NLGN1: variants seen among roughly 807,000 people sequenced by gnomAD.
The protein encoded by NLGN1 is neuroligin-1.
In NLGN1, 12 loss-of-function variants were observed where a neutral mutation model predicts 65.5. The ratio of observed to expected loss-of-function variants is 0.18; its 90% CI spans 0.12 to 0.30. The LOEUF is 0.30. NLGN1 is among the 10% of genes least tolerant of loss of function. The pLI is 1.00. For missense variants in NLGN1, 750 were observed against 1,007.1 expected (o/e 0.74, Z 3.46); for synonymous variants, 350 against 359.5 (o/e 0.97, Z 0.30).
chr3:174,155,792 C>T (rs747046954), intron 4 of NLGN1, among the ~76,000 whole-genome samples: 3 of 151,774 alleles, frequency 2.0e-5, no homozygotes, highest in Non-Finnish European at 4.4e-5. Context: ...TATATGCTAA[C>T]GTTATTTTTT....
At chr3:174,292,310 A>T in the NLGN1 span, among the ~76,000 whole-genome samples, 38 of 151,280 alleles carry the variant, frequency 2.5e-4, no homozygotes, top group African/African-American at 8.9e-4. Context: ...ACACAAACAC[A>T]CATAGAAATA....
chr3:173,836,424 A>C (rs12495892), intron 4 of NLGN1, among the ~76,000 whole-genome samples: 113,039 of 151,982 alleles, frequency 0.74, 42,613 homozygotes, highest in African/African-American at 0.83. Context: ...ACTACTACTA[A>C]TAATAATAGT....
At chr3:174,014,476 A>G (rs1354444184) in intron 4 of NLGN1, among the ~76,000 whole-genome samples, 1 of 152,164 alleles carries the variant, frequency 6.6e-6, no homozygotes, top group African/African-American at 2.4e-5. Flanking sequence ...AAATGTTACC[A>G]CTTTAGGAAG....
At chr3:173,597,675 A>G (rs1470577484) in intron 2 of NLGN1, among the ~76,000 whole-genome samples, 1 of 130,926 alleles carries the variant, frequency 7.6e-6, no homozygotes, top group Non-Finnish European at 1.6e-5. Context: ...GGTTATCAAA[A>G]ATTTATGTAG....
At chr3:174,064,231 A>G (rs1331651592) in intron 4 of NLGN1, among the ~76,000 whole-genome samples, 1 of 152,180 alleles carries the variant, frequency 6.6e-6, no homozygotes, top group African/African-American at 2.4e-5. Context: ...AGAAAGCTTC[A>G]TGAAGACAAC....
At chr3:173,493,173 T>C (rs1163834319) in intron 2 of NLGN1, among the ~76,000 whole-genome samples, 1 of 151,806 alleles carries the variant, frequency 6.6e-6, no homozygotes, top group East Asian at 1.9e-4. Flanking sequence ...AACGAAGAAA[T>C]TGAAGTTCAG....
intron 3 of NLGN1, among the ~76,000 whole-genome samples, chr3:173,692,134 C>G (rs926075778): frequency 1.3e-5 from 2 of 151,964 alleles, no homozygotes; most frequent in African/African-American, 2.4e-5. Flanking sequence ...CATTATAATT[C>G]TCTTTTCATT....
At chr3:173,599,221 C>T (rs1750027809) in intron 2 of NLGN1, among the ~76,000 whole-genome samples, 1 of 152,096 alleles carries the variant, frequency 6.6e-6, no homozygotes, top group African/African-American at 2.4e-5. Flanking sequence ...GTTAATTACA[C>T]ATTAGTTACT....
At chr3:173,768,614 T>G (rs1393542299) in intron 3 of NLGN1, among the ~76,000 whole-genome samples, 1 of 152,208 alleles carries the variant, frequency 6.6e-6, no homozygotes, top group African/African-American at 2.4e-5. Context: ...TTGGAACTTG[T>G]GTTAAAAAAT....
At chr3:173,941,141 A>G (rs1746014387) in intron 4 of NLGN1, among the ~76,000 whole-genome samples, 1 of 152,152 alleles carries the variant, frequency 6.6e-6, no homozygotes, top group Non-Finnish European at 1.5e-5. Flanking sequence ...TACATGCCAG[A>G]TAGTTTTGCT....
chr3:173,990,987 A>C (rs1342693713), intron 4 of NLGN1, among the ~76,000 whole-genome samples: 1 of 152,162 alleles, frequency 6.6e-6, no homozygotes, highest in Non-Finnish European at 1.5e-5. Flanking sequence ...ATACATGCAG[A>C]GCTTCTCCAG....
chr3:174,184,590 T>C (rs1159283565), intron 4 of NLGN1, among the ~76,000 whole-genome samples: 1 of 152,166 alleles, frequency 6.6e-6, no homozygotes, highest in Non-Finnish European at 1.5e-5. Context: ...CATCAGCCAC[T>C]ATATCGATCA....
intron 4 of NLGN1, among the ~76,000 whole-genome samples, chr3:174,145,691 A>G (rs1561151265): frequency 6.6e-6 from 1 of 152,228 alleles, no homozygotes; most frequent in Non-Finnish European, 1.5e-5. Flanking sequence ...TTTTTAAAAG[A>G]CTAGATAATG....
chr3:173,505,778 G>A (rs1179610114), intron 2 of NLGN1, among the ~76,000 whole-genome samples: 5 of 151,932 alleles, frequency 3.3e-5, no homozygotes, highest in South Asian at 2.1e-4. Context: ...ACTGAATTTA[G>A]CACAATTATT....
chr3:174,021,420 G>A (rs1727722958), intron 4 of NLGN1, among the ~76,000 whole-genome samples: 1 of 151,980 alleles, frequency 6.6e-6, no homozygotes, highest in South Asian at 2.1e-4. Flanking sequence ...ATATCTTTTT[G>A]TGTAATGAAA....
intron 2 of NLGN1, among the ~76,000 whole-genome samples, chr3:173,514,879 T>G (rs944990552): frequency 6.6e-6 from 1 of 152,244 alleles, no homozygotes; most frequent in Non-Finnish European, 1.5e-5. Context: ...TGTATGCATA[T>G]ACCAAAGTAA....
At chr3:173,975,022 C>T (rs1028395987) in intron 4 of NLGN1, among the ~76,000 whole-genome samples, 1 of 152,032 alleles carries the variant, frequency 6.6e-6, no homozygotes, top group Admixed American at 6.6e-5. Context: ...ACACACCAGT[C>T]TAGAGACAGA....
intron 4 of NLGN1, among the ~76,000 whole-genome samples, chr3:174,227,172 A>G (rs1464610505): frequency 2.7e-4 from 41 of 152,208 alleles, no homozygotes; most frequent in African/African-American, 9.6e-4. Flanking sequence ...CTTCAGGTAT[A>G]AAACACAAAG....
intron 4 of NLGN1, among the ~76,000 whole-genome samples, chr3:174,144,677 C>T (rs1722886038): frequency 6.6e-6 from 1 of 152,156 alleles, no homozygotes; most frequent in South Asian, 2.1e-4. Context: ...TGATGATGAG[C>T]TTTTTTTCAT....
Sources: allele counts gnomAD v4.1 joint callset (sites outside exome capture counted in the v4.1 genomes callset), GRCh38; gene constraint gnomAD v4.1.1; transcripts MANE v1.5; gene names NCBI Gene and HGNC (gene_info 2026-07-23, HGNC 2026-07-21).